The following CARMIL1 variants were observed in gnomAD, a reference collection of about 807,000 sequenced individuals.
CARMIL1 encodes capping protein regulator and myosin 1 linker 1.
CARMIL1 carries 90 observed loss-of-function variants against 177.1 expected under a neutral mutation model. The ratio of observed to expected loss-of-function variants is 0.51; its 90% CI spans 0.43 to 0.61. The LOEUF is 0.61. Among genes scored for constraint, CARMIL1 ranks in the 20% least tolerant of loss-of-function variants. CARMIL1 has a pLI of 0.00. For synonymous variants in CARMIL1, 577 were observed against 606.2 expected (o/e 0.95, Z 0.71); for missense variants, 1,380 against 1,667.0 (o/e 0.83, Z 3.00).
intron 2 of CARMIL1, among the ~76,000 whole-genome samples, chr6:25,345,455 A>T (rs569076780): frequency 1.3e-5 from 2 of 151,952 alleles, no homozygotes; most frequent in East Asian, 3.9e-4. Context: ...AGACCCCTTC[A>T]TCTGGCTGCC....
In CARMIL1 at chr6:25,515,555, A is replaced by T; in HGVS notation, c.1633-120A>T. 1 of 855,844 alleles carries T rather than the reference A, an allele frequency of 1.2e-6. No homozygotes were observed. Among genetic ancestry groups the T allele is most frequent in the Non-Finnish European group, 1.7e-6 (1 of 582,466 alleles). The allele number at this position is 855,844 out of a possible 1,614,324, so 53.0% of individuals were successfully genotyped here. A position where few individuals can be genotyped will look rare whatever the true frequency, so the allele number is the denominator to read the frequency against. On this transcript the variant is annotated intron_variant, in intron 20 of 36. Coordinates refer to ENST00000329474, the MANE Select transcript of CARMIL1 (RefSeq NM_017640.6). The surrounding 1 kb of genome is among the most constrained non-coding windows in gnomAD (Gnocchi z 5.0). Reference sequence around the variant, plus strand: ...TATCCACGAGTGTCTTTTAGGTAGTAGTTCTAAAATCAGACACGTGCAGTA... The same window carrying T: ...TATCCACGAGTGTCTTTTAGGTAGTTGTTCTAAAATCAGACACGTGCAGTA...
At chr6:25,306,944 T>C (rs955795764) in intron 2 of CARMIL1, among the ~76,000 whole-genome samples, 2 of 147,962 alleles carry the variant, frequency 1.4e-5, no homozygotes, top group Non-Finnish European at 3.0e-5. Flanking sequence ...ACTGGCACGA[T>C]CTCGGCTCAC....
intron 29 of CARMIL1, among the ~76,000 whole-genome samples, chr6:25,566,414 G>A (rs1582385279): frequency 6.6e-6 from 1 of 152,052 alleles, no homozygotes; most frequent in East Asian, 1.9e-4. Context: ...ACTTGTCCAG[G>A]CTCCCATCTC....
At chr6:25,436,853 G>A (rs1489666322) in intron 5 of CARMIL1, among the ~76,000 whole-genome samples, 1 of 152,160 alleles carries the variant, frequency 6.6e-6, no homozygotes, top group Admixed American at 6.5e-5. Flanking sequence ...GAGTGGAGAG[G>A]GTGAGCTGGG....
At chr6:25,447,291 A>G (rs1449611510) in intron 5 of CARMIL1, among the ~76,000 whole-genome samples, 2 of 152,234 alleles carry the variant, frequency 1.3e-5, no homozygotes, top group Admixed American at 6.5e-5. Flanking sequence ...TTTCCATGCC[A>G]ACAGAATGTA....
intron 29 of CARMIL1, among the ~76,000 whole-genome samples, chr6:25,580,347 G>A (rs1253982013): frequency 1.3e-5 from 2 of 152,112 alleles, no homozygotes; most frequent in African/African-American, 4.8e-5. Flanking sequence ...TTTGAGTTTC[G>A]GTTTCATTTT....
At chr6:25,540,367 G>A (rs761192111) in intron 26 of CARMIL1, among the ~76,000 whole-genome samples, 1 of 152,072 alleles carries the variant, frequency 6.6e-6, no homozygotes, top group African/African-American at 2.4e-5. Flanking sequence ...GTGTGCTTCT[G>A]GAAAAAATAC....
intron 2 of CARMIL1, among the ~76,000 whole-genome samples, chr6:25,350,305 C>A (rs1043784300): frequency 6.6e-6 from 1 of 152,150 alleles, no homozygotes; most frequent in East Asian, 1.9e-4. Context: ...GCTTTGTAGT[C>A]CCTTCCTGTT....
rs1297073152 is a variant in CARMIL1, at chr6:25,510,520, C to T, written c.1491C>T (p.Asp497=). ...LDISDNGLES[D]LSTLIVWLSK... ...GATTCTTTCCAGGTTTAGAATCTGA[C>T]CTATCTACCTTAATAGTGTGGCTCA... Residue 497 remains aspartate, a synonymous_variant, in exon 19 of 37, where the codon GAC becomes GAT. Coordinates refer to ENST00000329474, the MANE Select transcript of CARMIL1 (RefSeq NM_017640.6). 1.9e-6 allele frequency: 3 copies of T among 1,546,362 alleles called. No individual in the cohort carries two copies. The African/African-American group carries it at 4.1e-5, about 21-fold the overall frequency.
chr6:25,582,744 T>C (rs1562308564), intron 31 of CARMIL1, among the ~76,000 whole-genome samples: 1 of 152,148 alleles, frequency 6.6e-6, no homozygotes, highest in Non-Finnish European at 1.5e-5. Context: ...ACTACGTCTC[T>C]GTAACTATCC....
At chr6:25,304,673 G>C (rs951922592) in intron 2 of CARMIL1, among the ~76,000 whole-genome samples, 1 of 152,176 alleles carries the variant, frequency 6.6e-6, no homozygotes, top group Non-Finnish European at 1.5e-5. Flanking sequence ...CCACAGACTG[G>C]TACTGGTCCA....
chr6:25,415,989 G>T lies in CARMIL1; in HGVS notation c.139-4125G>T, dbSNP rs977231070. Among the ~76,000 whole-genome samples, 7 of 152,066 alleles carry T rather than the reference G, an allele frequency of 4.6e-5. No individual in the cohort carries two copies. In the East Asian group the frequency reaches 1.4e-3, roughly 29 times the overall value. ...TAGCAGAGAGAGGGGTCAGAGGAGG[G>T]GTGGGGAGCCAGTGAGGAGAGGCAC... On this transcript the variant is annotated intron_variant, in intron 2 of 36. Transcript: ENST00000329474.
At chr6:25,523,283 ATAGG>A (rs1282154913) in intron 23 of CARMIL1, among the ~76,000 whole-genome samples, 1 of 152,200 alleles carries the variant, frequency 6.6e-6, no homozygotes, top group East Asian at 1.9e-4. Context: ...TTTCAACTGT[ATAGG>A]TAGGAAAAAT....
chr6:25,385,521 A>C (rs1792064011), intron 2 of CARMIL1, among the ~76,000 whole-genome samples: 1 of 152,220 alleles, frequency 6.6e-6, no homozygotes, highest in African/African-American at 2.4e-5. Context: ...AGCACTTACT[A>C]TGGACCATGC....
chr6:25,469,238 C>T (rs1048972625), intron 9 of CARMIL1, among the ~76,000 whole-genome samples: 2 of 152,138 alleles, frequency 1.3e-5, no homozygotes, highest in Non-Finnish European at 2.9e-5. Context: ...ATTATGAGAG[C>T]CTTACATGCT....
chr6:25,608,627 T>G (rs1816215893), intron 35 of CARMIL1, among the ~76,000 whole-genome samples: 1 of 152,236 alleles, frequency 6.6e-6, no homozygotes, highest in East Asian at 1.9e-4. Flanking sequence ...AAACCTATGT[T>G]TTTATAGAGC....
chr6:25,334,818 G>A (rs1235350257), intron 2 of CARMIL1, among the ~76,000 whole-genome samples: 1 of 152,172 alleles, frequency 6.6e-6, no homozygotes, highest in Non-Finnish European at 1.5e-5. Flanking sequence ...TCTAAGGGAT[G>A]CAATTTGCTG....
At chr6:25,413,765 G>A (rs533690644) in intron 2 of CARMIL1, among the ~76,000 whole-genome samples, 6 of 152,224 alleles carry the variant, frequency 3.9e-5, no homozygotes, top group African/African-American at 1.4e-4. Flanking sequence ...TACCCTTTGT[G>A]GTGAAGGTTC....
chr6:25,441,337 A>ATATGTATGTGTGTGTGTG, intron 5 of CARMIL1, among the ~76,000 whole-genome samples: 1 of 94,534 alleles, frequency 1.1e-5, no homozygotes, highest in African/African-American at 4.4e-5. Flanking sequence ...ATATATATAT[A>ATATGTATGTGTGTGTGTG]TGTGTGTGTG....
Sources: allele counts gnomAD v4.1 joint callset (sites outside exome capture counted in the v4.1 genomes callset), GRCh38; gene constraint gnomAD v4.1.1; non-coding constraint Gnocchi (gnomAD v3.1); transcripts MANE v1.5; gene names NCBI Gene and HGNC (gene_info 2026-07-23, HGNC 2026-07-21).